Variants in GPC6 observed in about 807,000 individuals in gnomAD.
GPC6 encodes the protein glypican-6.
Under a neutral mutation model 55.2 loss-of-function variants are expected in GPC6, and 14 were observed. The ratio of observed to expected loss-of-function variants is 0.25; its 90% CI spans 0.17 to 0.40. GPC6 has a LOEUF of 0.40. Among genes scored for constraint, GPC6 ranks in the 10% least tolerant of loss-of-function variants. The probability of loss-of-function intolerance (pLI) is 1.00; values close to 1 mark genes in which losing one functional copy is unlikely to be tolerated. For missense variants in GPC6, 641 were observed against 708.5 expected (o/e 0.90, Z 1.08); for synonymous variants, 278 against 259.6 (o/e 1.07, Z -0.68).
chr13:93,357,432 T>C (rs576307686), intron 1 of GPC6, among the ~76,000 whole-genome samples: 2 of 152,316 alleles, frequency 1.3e-5, no homozygotes, highest in East Asian at 1.9e-4. Context: ...ATGGGGAAAA[T>C]AGATTATAGG....
intron 1 of GPC6, among the ~76,000 whole-genome samples, chr13:93,465,371 T>C (rs1023104983): frequency 1.3e-4 from 19 of 146,474 alleles, no homozygotes; most frequent in Non-Finnish European, 2.5e-4. Flanking sequence ...TAAATGTGTT[T>C]AGTGTAGTCA....
At chr13:94,396,715 A>ACTC (rs1880912377) in intron 7 of GPC6, among the ~76,000 whole-genome samples, 2 of 152,174 alleles carry the variant, frequency 1.3e-5, no homozygotes, top group African/African-American at 4.8e-5. Flanking sequence ...CAGTGAGTTG[A>ACTC]CTCTATAAGA....
At chr13:93,767,749 C>T (rs889397068) in intron 2 of GPC6, among the ~76,000 whole-genome samples, 14 of 152,256 alleles carry the variant, frequency 9.2e-5, no homozygotes, top group Middle Eastern at 6.8e-3. Context: ...TAGTGTTTAG[C>T]TGTACCGTCT....
intron 3 of GPC6, among the ~76,000 whole-genome samples, chr13:93,989,038 A>T (rs1881168439): frequency 6.6e-6 from 1 of 152,106 alleles, no homozygotes; most frequent in African/African-American, 2.4e-5. Flanking sequence ...TATTTTCCCC[A>T]TTTTTTAGAG....
At chr13:93,692,577 T>A (rs922589740) in intron 2 of GPC6, among the ~76,000 whole-genome samples, 1 of 152,088 alleles carries the variant, frequency 6.6e-6, no homozygotes, top group Admixed American at 6.6e-5. Flanking sequence ...CTACATTTGC[T>A]TTAACATTAT....
chr13:93,401,539 C>G (rs577289333), intron 1 of GPC6, among the ~76,000 whole-genome samples: 53 of 144,904 alleles, frequency 3.7e-4, no homozygotes, highest in Admixed American at 2.5e-3. Flanking sequence ...AAAAAAAAAG[C>G]GATATTGTTT....
At chr13:94,083,037 C>T (rs1245454304) in intron 4 of GPC6, among the ~76,000 whole-genome samples, 2 of 152,196 alleles carry the variant, frequency 1.3e-5, no homozygotes, top group Non-Finnish European at 2.9e-5. Context: ...TCACCTAGGT[C>T]CCTGCTGGAA....
intron 6 of GPC6, among the ~76,000 whole-genome samples, chr13:94,361,580 A>G (rs1879062099): frequency 6.6e-6 from 1 of 152,246 alleles, no homozygotes; most frequent in South Asian, 2.1e-4. Context: ...CATTTATTCA[A>G]TGCCCACTTT....
intron 3 of GPC6, among the ~76,000 whole-genome samples, chr13:93,910,271 T>C (rs1876896158): frequency 6.6e-6 from 1 of 152,178 alleles, no homozygotes; most frequent in Non-Finnish European, 1.5e-5. Context: ...AGAGTTTCCC[T>C]GCACCAGCTA....
intron 1 of GPC6, among the ~76,000 whole-genome samples, chr13:93,365,563 T>G (rs1881216431): frequency 6.6e-6 from 1 of 152,058 alleles, no homozygotes; most frequent in African/African-American, 2.4e-5. Context: ...TTCCCAACAA[T>G]GAAACTCAGG....
At chr13:93,271,705 T>C (rs1877533263) in intron 1 of GPC6, among the ~76,000 whole-genome samples, 1 of 152,186 alleles carries the variant, frequency 6.6e-6, no homozygotes, top group South Asian at 2.1e-4. Context: ...ATTTATTAGA[T>C]ACAGAAGTGA....
intron 3 of GPC6, among the ~76,000 whole-genome samples, chr13:93,960,823 T>C (rs1473345925): frequency 1.3e-5 from 2 of 149,852 alleles, no homozygotes; most frequent in East Asian, 1.9e-4. Flanking sequence ...TTCTTTTTTT[T>C]TTTTTTTGAG....
intron 2 of GPC6, among the ~76,000 whole-genome samples, chr13:93,611,323 A>G (rs1210159613): frequency 6.6e-6 from 1 of 152,148 alleles, no homozygotes; most frequent in Non-Finnish European, 1.5e-5. Flanking sequence ...CCACTGTAGC[A>G]TATTAAGGTT....
At chr13:94,141,431 G>A (rs1183786453) in intron 4 of GPC6, among the ~76,000 whole-genome samples, 2 of 152,000 alleles carry the variant, frequency 1.3e-5, no homozygotes, top group Non-Finnish European at 2.9e-5. Context: ...TTTATAACTC[G>A]GTCTCTTAGT....
At chr13:94,209,678 A>G (rs74105748) in intron 4 of GPC6, among the ~76,000 whole-genome samples, 2,038 of 152,264 alleles carry the variant, frequency 0.013, 42 homozygotes, top group African/African-American at 0.045. Context: ...CAGTTCTGAT[A>G]ATATCACTGT....
chr13:94,051,430 C>G (rs1883944622), intron 4 of GPC6, among the ~76,000 whole-genome samples: 1 of 152,154 alleles, frequency 6.6e-6, no homozygotes, highest in African/African-American at 2.4e-5. Flanking sequence ...TCACAAGCTT[C>G]CACATGCATC....
At chr13:93,336,930 A>G (rs1318078069) in intron 1 of GPC6, among the ~76,000 whole-genome samples, 1 of 152,158 alleles carries the variant, frequency 6.6e-6, no homozygotes, top group Admixed American at 6.5e-5. Context: ...TAAAATGTTC[A>G]AGCTGACAAA....
At chr13:93,369,541 AT>A (rs1441180587) in intron 1 of GPC6, among the ~76,000 whole-genome samples, 1 of 152,202 alleles carries the variant, frequency 6.6e-6, no homozygotes, top group East Asian at 1.9e-4. Context: ...ATAGTCTATT[AT>A]TTTTATTACA....
chr13:94,345,449 G>C (rs942351018), intron 6 of GPC6, among the ~76,000 whole-genome samples: 1 of 152,138 alleles, frequency 6.6e-6, no homozygotes, highest in Non-Finnish European at 1.5e-5. Flanking sequence ...TTACCAAATC[G>C]TTACTAGTGC....
Sources: allele counts gnomAD v4.1 joint callset (sites outside exome capture counted in the v4.1 genomes callset), GRCh38; gene constraint gnomAD v4.1.1; transcripts MANE v1.5; gene names NCBI Gene and HGNC (gene_info 2026-07-23, HGNC 2026-07-21).